Variants in FOCAD observed in about 807,000 individuals in gnomAD.
FOCAD encodes the protein KIAA1797.
FOCAD carries 198 observed loss-of-function variants against 225.6 expected under a neutral mutation model. The observed-to-expected ratio is 0.88, with a 90% CI of 0.78 to 0.99. The LOEUF is 0.99. FOCAD is among the 50% of genes least tolerant of loss of function. FOCAD has a pLI of 0.00. For synonymous variants in FOCAD, 897 were observed against 755.0 expected, an observed-to-expected ratio of 1.19 and a Z score of -3.08; for missense variants, 2,713 against 2,123.6, an observed-to-expected ratio of 1.28 and a Z score of -5.46.
Position 20,740,241 on chromosome 9 carries a change from C to A in FOCAD, c.293C>A (p.Thr98Lys). 1 of 1,592,480 alleles carries A rather than the reference C, an allele frequency of 6.3e-7. No homozygotes were observed. Among genetic ancestry groups the A allele is most frequent in the Admixed American group, 1.7e-5 (1 of 58,756 alleles). ...CATGCTATATTTCTTTGCAGAAATA[C>A]ACATGGCTTGATAAAAGCCATTATG... ...ILNLIPSTRN[T>K]HGLIKAIMHL... Residue 98 changes from threonine to lysine, a missense_variant, in exon 5 of 44, where the codon ACA becomes AAA. Physicochemically the swap from Thr to Lys is moderately conservative, Grantham distance 78. Coordinates refer to ENST00000338382, the MANE Select transcript of FOCAD (RefSeq NM_001375567.1).
intron 3 of FOCAD, 126 bp downstream of exon 3, chr9:20,717,994 C>T: frequency 1.6e-6 from 1 of 635,644 alleles, no homozygotes; most frequent in Non-Finnish European, 2.6e-6. Context: ...ACTGTGAGAA[C>T]TTCATTGCCT....
intron 35 of FOCAD, among the ~76,000 whole-genome samples, chr9:20,969,697 CAAAAATATAA>C (rs925158796): frequency 1.1e-3 from 2 of 1,742 alleles, no homozygotes; most frequent in African/African-American, 3.3e-3. Flanking sequence ...AGTTATAAAA[CAAAAATATAA>C]AAAAATATAT....
intron 34 of FOCAD, 83 bp downstream of exon 34, chr9:20,951,181 C>T: frequency 9.9e-7 from 1 of 1,007,962 alleles, no homozygotes; most frequent in East Asian, 2.4e-5. Flanking sequence ...GAGCATTAAT[C>T]TTCACAACAA....
chr9:20,822,296 C>T (rs965875390), intron 14 of FOCAD, among the ~76,000 whole-genome samples: 1 of 151,878 alleles, frequency 6.6e-6, no homozygotes, highest in African/African-American at 2.4e-5. Context: ...TTCTGACAGG[C>T]AATTTCATCA....
chr9:20,993,235 T>A lies in FOCAD; in HGVS notation c.5257-18T>A, dbSNP rs79134232. 1,831 of 1,606,054 alleles carry A rather than the reference T, an allele frequency of 1.1e-3. 21 individuals carry two copies. The African/African-American group carries it at 0.022, about 19-fold the overall frequency. The stretch of plus-strand genomic sequence containing the variant: ...GTAGGATTCTCTTCTTTGACACTAT[T>A]TTTCATTTTTACCCTAGTTCATTGA... On this transcript the variant is annotated intron_variant, in intron 42 of 43. Transcript: ENST00000338382.
intron 21 of FOCAD, among the ~76,000 whole-genome samples, chr9:20,896,741 AAATTTGTTG>A (rs1832120446): frequency 6.6e-6 from 1 of 151,832 alleles, no homozygotes; most frequent in African/African-American, 2.4e-5. Flanking sequence ...GTTAATTTCT[AAATTTGTTG>A]AATTTGTTAA....
chr9:20,944,603 A>G (rs1836993215), intron 28 of FOCAD, 24 bp from the exon 29 acceptor site: 2 of 1,606,548 alleles, frequency 1.2e-6, no homozygotes, highest in Admixed American at 1.7e-5. Flanking sequence ...TGATCCTAAC[A>G]TCTTATCTTT....
chr9:20,877,124 CTT>C (rs1830290353), intron 19 of FOCAD, among the ~76,000 whole-genome samples: 1 of 129,130 alleles, frequency 7.7e-6, no homozygotes, highest in African/African-American at 3.0e-5. Flanking sequence ...ATATTACTAA[CTT>C]AAACTATAGA....
chr9:20,933,393 T>C (rs1292705427), intron 28 of FOCAD, among the ~76,000 whole-genome samples: 1 of 152,228 alleles, frequency 6.6e-6, no homozygotes, highest in Non-Finnish European at 1.5e-5. Context: ...GTGTGATTCT[T>C]AAGCCTTTGT....
chr9:20,805,055 G>A (rs1564012763), intron 11 of FOCAD, among the ~76,000 whole-genome samples: 1 of 152,134 alleles, frequency 6.6e-6, no homozygotes, highest in Non-Finnish European at 1.5e-5. Flanking sequence ...TTTCCGCAGG[G>A]AAATTCACGA....
At chr9:20,853,818 G>T (rs1267228778) in intron 15 of FOCAD, among the ~76,000 whole-genome samples, 1 of 151,688 alleles carries the variant, frequency 6.6e-6, no homozygotes. Flanking sequence ...ATAAACCTGT[G>T]CTAGTCATTT....
At chr9:20,994,590 T>A (rs1841919989) in intron 43 of FOCAD, among the ~76,000 whole-genome samples, 1 of 152,236 alleles carries the variant, frequency 6.6e-6, no homozygotes, top group South Asian at 2.1e-4. Context: ...GGCATGTGTG[T>A]GCTGCAACAG....
intron 8 of FOCAD, among the ~76,000 whole-genome samples, chr9:20,776,265 C>T (rs983056747): frequency 6.6e-6 from 1 of 152,166 alleles, no homozygotes; most frequent in African/African-American, 2.4e-5. Context: ...CCTTGTACTT[C>T]TAGAGTGCGC....
intron 6 of FOCAD, among the ~76,000 whole-genome samples, chr9:20,761,241 C>T (rs1829566644): frequency 6.6e-6 from 1 of 152,048 alleles, no homozygotes; most frequent in East Asian, 1.9e-4. Flanking sequence ...CTTTCAGGAA[C>T]TGAGAATTTG....
At position 20,990,337 on chromosome 9, in the gene FOCAD, T is replaced by A. The variant is rs1008834292; in HGVS notation, c.5219T>A (p.Leu1740Gln). ...CTCCTTCCCAATAGCATGGCTCTGCTGCTGCAGAAAGAGCCATGGAAGGAA... is the reference window on the plus strand; with the variant it reads ...CTCCTTCCCAATAGCATGGCTCTGCAGCTGCAGAAAGAGCCATGGAAGGAA... ...LTLLPNSMAL[L>Q]LQKEPWKEQT... Residue 1740 changes from leucine (L) to glutamine (Q), a missense_variant, in exon 42 of 44, where the codon CTG becomes CAG. Coordinates refer to ENST00000338382, the MANE Select transcript of FOCAD (RefSeq NM_001375567.1). 5 of 1,613,854 alleles carry A rather than the reference T, an allele frequency of 3.1e-6. No homozygotes were observed. Among genetic ancestry groups the A allele is most frequent in the Non-Finnish European group, 4.2e-6 (5 of 1,179,986 alleles).
In FOCAD at chr9:20,912,895, A is replaced by C. The variant is rs1833552889; in HGVS notation, c.2748A>C (p.Leu916Phe). 1 of 1,613,324 alleles carries C rather than the reference A, an allele frequency of 6.2e-7. No homozygotes were observed. The highest frequency in any genetic ancestry group is 8.5e-7 in the Non-Finnish European group (1 of 1,179,622). Residue 916 changes from leucine to phenylalanine, a missense_variant, in exon 23 of 44, where the codon TTA becomes TTC. Physicochemically the swap from Leu to Phe is conservative, Grantham distance 22. Coordinates refer to ENST00000338382, the MANE Select transcript of FOCAD (RefSeq NM_001375567.1). Reference protein sequence around the residue: ...QGRLGELELQLKHGKEEPEEV... With the variant: ...QGRLGELELQFKHGKEEPEEV... ...GACTAGGAGAGCTGGAGTTGCAGTTAAAACATGGAAAAGAAGAACCTGAGG... is the reference window on the plus strand; with the variant it reads ...GACTAGGAGAGCTGGAGTTGCAGTTCAAACATGGAAAAGAAGAACCTGAGG...
chr9:20,710,706 T>C (rs1297748938), intron 1 of FOCAD, among the ~76,000 whole-genome samples: 1 of 152,212 alleles, frequency 6.6e-6, no homozygotes, highest in Non-Finnish European at 1.5e-5. Context: ...GAAATTTCCT[T>C]CAGAGTTTAA....
chr9:20,755,948 C>T (rs1174788951), intron 5 of FOCAD, among the ~76,000 whole-genome samples: 2 of 152,148 alleles, frequency 1.3e-5, no homozygotes, highest in Non-Finnish European at 2.9e-5. Context: ...GTGTGAATCA[C>T]TGCTACTGGC....
intron 11 of FOCAD, among the ~76,000 whole-genome samples, chr9:20,817,012 G>A (rs1009465137): frequency 6.6e-6 from 1 of 152,194 alleles, no homozygotes; most frequent in East Asian, 1.9e-4. Context: ...TGAGGTGTGC[G>A]TATCTGTGTG....
Sources: allele counts gnomAD v4.1 joint callset (sites outside exome capture counted in the v4.1 genomes callset), GRCh38; gene constraint gnomAD v4.1.1; transcripts MANE v1.5; gene names NCBI Gene and HGNC (gene_info 2026-07-23, HGNC 2026-07-21).